CNTN5: variants seen among roughly 807,000 people sequenced by gnomAD.
The protein encoded by CNTN5 is contactin 5.
CNTN5 carries 77 observed loss-of-function variants against 129.1 expected under a neutral mutation model. The observed-to-expected ratio is 0.60, with a 90% confidence interval of 0.50 to 0.72. CNTN5 has a LOEUF of 0.72. Ranked by LOEUF, CNTN5 falls within the 30% of genes least tolerant of loss-of-function variation. The pLI, the probability that CNTN5 is intolerant of heterozygous loss-of-function variation, is 0.00. For missense variants in CNTN5, 1,478 were observed against 1,328.8 expected (o/e 1.11, Z -1.75); for synonymous variants, 509 against 465.6 (o/e 1.09, Z -1.20).
chr11:99,602,854 G>A (rs1950359668), intron 3 of CNTN5, among the ~76,000 whole-genome samples: 1 of 134,380 alleles, frequency 7.4e-6, no homozygotes, highest in African/African-American at 2.9e-5. Context: ...ACCTCACATG[G>A]CAGGGTATTC....
chr11:100,120,442 G>C (rs79968319), intron 13 of CNTN5, among the ~76,000 whole-genome samples: 2 of 151,832 alleles, frequency 1.3e-5, no homozygotes, highest in African/African-American at 4.8e-5. Flanking sequence ...ACCCAAAAAA[G>C]TTCAAGCTGT....
intron 1 of CNTN5, among the ~76,000 whole-genome samples, chr11:99,242,289 C>T (rs530539178): frequency 9.9e-5 from 15 of 151,976 alleles, no homozygotes; most frequent in Non-Finnish European, 1.6e-4. Context: ...AATAATAGGT[C>T]TGTGGGAGGT....
intron 9 of CNTN5, among the ~76,000 whole-genome samples, chr11:100,045,003 A>G (rs1273015831): frequency 6.6e-6 from 1 of 151,928 alleles, no homozygotes; most frequent in Non-Finnish European, 1.5e-5. Flanking sequence ...CTTTTTTCTC[A>G]GGCCATCAAA....
chr11:100,226,051 T>C (rs1034360712), intron 16 of CNTN5, among the ~76,000 whole-genome samples: 2 of 152,136 alleles, frequency 1.3e-5, no homozygotes, highest in African/African-American at 4.8e-5. Context: ...AGAAGGCTAC[T>C]TGATCTTTTC....
chr11:99,906,101 T>C (rs1306101866), intron 6 of CNTN5, among the ~76,000 whole-genome samples: 1 of 152,180 alleles, frequency 6.6e-6, no homozygotes, highest in Non-Finnish European at 1.5e-5. Flanking sequence ...TTTGACTTCC[T>C]CTCTGCCTAT....
At chr11:100,238,049 A>G (rs949999677) in intron 16 of CNTN5, among the ~76,000 whole-genome samples, 1 of 152,206 alleles carries the variant, frequency 6.6e-6, no homozygotes, top group African/African-American at 2.4e-5. Flanking sequence ...GGTAATTCTC[A>G]GGTTATTTAT....
intron 1 of CNTN5, among the ~76,000 whole-genome samples, chr11:99,121,626 C>T (rs1486160183): frequency 6.6e-6 from 1 of 152,100 alleles, no homozygotes; most frequent in African/African-American, 2.4e-5. Context: ...AAATCTCAGG[C>T]GATTTGGCAA....
intron 9 of CNTN5, among the ~76,000 whole-genome samples, chr11:100,025,619 G>A (rs1472254222): frequency 1.3e-5 from 2 of 152,188 alleles, no homozygotes; most frequent in Non-Finnish European, 2.9e-5. Flanking sequence ...ACCCTGCCAA[G>A]CCACAGGGGT....
chr11:100,072,501 C>T (rs1203422641), intron 12 of CNTN5, among the ~76,000 whole-genome samples: 1 of 149,836 alleles, frequency 6.7e-6, no homozygotes, highest in Non-Finnish European at 1.5e-5. Flanking sequence ...TTTTACTTTT[C>T]CCACTTTGAT....
intron 1 of CNTN5, among the ~76,000 whole-genome samples, chr11:99,083,703 A>AAG (rs1416755412): frequency 2.0e-5 from 3 of 152,150 alleles, no homozygotes; most frequent in African/African-American, 7.2e-5. Context: ...AAAATATACA[A>AAG]CATTTTTAGT....
intron 2 of CNTN5, among the ~76,000 whole-genome samples, chr11:99,523,873 G>C (rs1435485817): frequency 2.0e-5 from 3 of 152,126 alleles, no homozygotes; most frequent in Non-Finnish European, 4.4e-5. Flanking sequence ...GCTGATGTTT[G>C]CCAGAGTTTA....
intron 1 of CNTN5, among the ~76,000 whole-genome samples, chr11:99,153,702 G>A: frequency 6.6e-6 from 1 of 151,906 alleles, no homozygotes; most frequent in East Asian, 1.9e-4. Flanking sequence ...GCAGTTGTTT[G>A]GAGGTGAGAA....
At chr11:99,506,892 G>A (rs990879937) in intron 2 of CNTN5, among the ~76,000 whole-genome samples, 3 of 151,546 alleles carry the variant, frequency 2.0e-5, no homozygotes, top group Admixed American at 6.6e-5. Context: ...ACAACCTGAG[G>A]GAATATTATA....
intron 2 of CNTN5, among the ~76,000 whole-genome samples, chr11:99,344,174 G>C (rs948696038): frequency 6.6e-6 from 1 of 152,138 alleles, no homozygotes; most frequent in Non-Finnish European, 1.5e-5. Context: ...TTAGTGCTAA[G>C]AGCTTTATAA....
At chr11:100,033,806 C>T (rs747207896) in intron 9 of CNTN5, among the ~76,000 whole-genome samples, 3 of 152,132 alleles carry the variant, frequency 2.0e-5, no homozygotes, top group Admixed American at 1.3e-4. Flanking sequence ...TGGCTAATTG[C>T]GACACTCACC....
intron 8 of CNTN5, among the ~76,000 whole-genome samples, chr11:99,968,182 T>A (rs1178319197): frequency 6.6e-6 from 1 of 152,130 alleles, no homozygotes; most frequent in Non-Finnish European, 1.5e-5. Flanking sequence ...TCTCTGGAGT[T>A]AGATAGTGTA....
At chr11:99,106,376 C>G (rs1051536052) in intron 1 of CNTN5, among the ~76,000 whole-genome samples, 19 of 151,806 alleles carry the variant, frequency 1.3e-4, no homozygotes, top group Non-Finnish European at 1.6e-4. Context: ...AATGGTTTGG[C>G]CATTGGGAAC....
intron 2 of CNTN5, among the ~76,000 whole-genome samples, chr11:99,483,365 A>T (rs113020468): frequency 6.6e-6 from 1 of 152,172 alleles, no homozygotes; most frequent in African/African-American, 2.4e-5. Context: ...TCTCATGCAC[A>T]GTGTCAACAA....
intron 13 of CNTN5, among the ~76,000 whole-genome samples, chr11:100,104,598 T>C (rs910589740): frequency 2.6e-5 from 4 of 152,136 alleles, no homozygotes; most frequent in African/African-American, 9.7e-5. Flanking sequence ...AAAGTAATCC[T>C]TAGGTGAAGG....
Sources: allele counts gnomAD v4.1 joint callset (sites outside exome capture counted in the v4.1 genomes callset), GRCh38; gene constraint gnomAD v4.1.1; transcripts MANE v1.5; gene names NCBI Gene and HGNC (gene_info 2026-07-23, HGNC 2026-07-21).